PLEKHA7: variants seen among roughly 807,000 people sequenced by gnomAD.
PLEKHA7 encodes pleckstrin homology domain containing A7, also known as pleckstrin homology domain-containing family A member 7.
PLEKHA7 carries 104 observed loss-of-function variants against 170.0 expected under a neutral mutation model. The ratio of observed to expected loss-of-function variants is 0.61; its 90% CI spans 0.52 to 0.72. The LOEUF (loss-of-function observed/expected upper bound fraction) is 0.72. Among genes scored for constraint, PLEKHA7 ranks in the 30% least tolerant of loss-of-function variants. The probability of loss-of-function intolerance (pLI) is 0.00; values close to 1 mark genes in which losing one functional copy is unlikely to be tolerated. For missense variants in PLEKHA7, 1,615 were observed against 1,671.7 expected (o/e 0.97, Z 0.59); for synonymous variants, 648 against 660.8 (o/e 0.98, Z 0.30).
intron 21 of PLEKHA7, 128 bp from the exon 22 acceptor site, chr11:16,790,006 T>G: frequency 2.4e-6 from 2 of 824,314 alleles, no homozygotes; most frequent in Non-Finnish European, 4.0e-6. Context: ...ATTTCTCTTC[T>G]TCCTCCCCAG....
At chr11:16,942,870 A>C (rs1860785081) in intron 3 of PLEKHA7, among the ~76,000 whole-genome samples, 2 of 152,258 alleles carry the variant, frequency 1.3e-5, no homozygotes, top group Non-Finnish European at 2.9e-5. Flanking sequence ...ATAGTAGATA[A>C]ACTGCTGAAT....
chr11:16,806,293 T>C (rs551709309), intron 13 of PLEKHA7, among the ~76,000 whole-genome samples: 1 of 152,384 alleles, frequency 6.6e-6, no homozygotes, highest in Non-Finnish European at 1.5e-5. Flanking sequence ...CAGCCGAGGC[T>C]GCTAAGAAAT....
chr11:16,913,415 G>A (rs1858401592), intron 3 of PLEKHA7, among the ~76,000 whole-genome samples: 1 of 152,126 alleles, frequency 6.6e-6, no homozygotes, highest in Non-Finnish European at 1.5e-5. Flanking sequence ...GCAGCAACTC[G>A]ATGCAAGGAC....
intron 3 of PLEKHA7, among the ~76,000 whole-genome samples, chr11:16,874,532 A>C (rs2135716081): frequency 6.6e-6 from 1 of 152,302 alleles, no homozygotes; most frequent in African/African-American, 2.4e-5. Flanking sequence ...AAAAGTGATA[A>C]GACTGGAACA....
At chr11:16,935,462 G>T (rs1300143228) in intron 3 of PLEKHA7, among the ~76,000 whole-genome samples, 4 of 152,248 alleles carry the variant, frequency 2.6e-5, no homozygotes, top group Non-Finnish European at 5.9e-5. Context: ...CTAGTGTGGG[G>T]AGGGGTAAAG....
At chr11:16,922,721 T>A (rs1181957264) in intron 3 of PLEKHA7, among the ~76,000 whole-genome samples, 1 of 152,072 alleles carries the variant, frequency 6.6e-6, no homozygotes. Flanking sequence ...CTGCCACCCA[T>A]CCCAGGTAAA....
At chr11:16,933,661 G>GGACATGTTAGTTT (rs1565130955) in intron 3 of PLEKHA7, among the ~76,000 whole-genome samples, 1 of 152,192 alleles carries the variant, frequency 6.6e-6, no homozygotes, top group Non-Finnish European at 1.5e-5. Flanking sequence ...ACTCTATTTT[G>GGACATGTTAGTTT]GACATGTTAG....
At chr11:16,986,639 C>G (rs1863742154) in intron 3 of PLEKHA7, among the ~76,000 whole-genome samples, 1 of 152,178 alleles carries the variant, frequency 6.6e-6, no homozygotes, top group African/African-American at 2.4e-5. Context: ...AGAAGACGCC[C>G]TGGCCCAGGA....
At chr11:16,781,706 T>C (rs1290796060) in intron 26 of PLEKHA7, among the ~76,000 whole-genome samples, 1 of 152,170 alleles carries the variant, frequency 6.6e-6, no homozygotes, top group Non-Finnish European at 1.5e-5. Flanking sequence ...CCCCTCCCCT[T>C]GTTGCCAGTC....
chr11:16,795,849 TCC>T (rs1491288809), intron 17 of PLEKHA7, among the ~76,000 whole-genome samples: 1 of 129,444 alleles, frequency 7.7e-6, no homozygotes, highest in Non-Finnish European at 1.7e-5. Flanking sequence ...CACAGTTTTT[TCC>T]TTTTTTTTTT....
At chr11:17,007,557 T>C (rs1865079426) in intron 3 of PLEKHA7, among the ~76,000 whole-genome samples, 1 of 148,334 alleles carries the variant, frequency 6.7e-6, no homozygotes, top group African/African-American at 2.5e-5. Context: ...TTTTACATTT[T>C]AGGATCTCTA....
intron 3 of PLEKHA7, among the ~76,000 whole-genome samples, chr11:17,009,955 C>T (rs1183896750): frequency 6.6e-6 from 1 of 152,144 alleles, no homozygotes; most frequent in Non-Finnish European, 1.5e-5. Flanking sequence ...GGGTTATCAA[C>T]ATCACTTAGT....
intron 4 of PLEKHA7, among the ~76,000 whole-genome samples, chr11:16,864,185 C>T (rs144230926): frequency 1.1e-3 from 171 of 152,188 alleles, no homozygotes; most frequent in African/African-American, 3.9e-3. Context: ...CTGACTCCAC[C>T]ACTTACTCTC....
chr11:16,805,255 T>G (rs899768480), intron 13 of PLEKHA7, among the ~76,000 whole-genome samples: 3 of 152,242 alleles, frequency 2.0e-5, no homozygotes, highest in Non-Finnish European at 2.9e-5. Flanking sequence ...AAAATCTAAT[T>G]GAGCAATGCC....
intron 3 of PLEKHA7, among the ~76,000 whole-genome samples, chr11:16,892,406 T>TTGTGTGTGTGTGTGTGTGTGTGTG (rs58762762): frequency 2.0e-4 from 27 of 136,802 alleles, no homozygotes; most frequent in South Asian, 4.7e-4. Context: ...TTGTTTTATT[T>TTGTGTGTGTGTGTGTGTGTGTGTG]TGTGTGTGTG....
intron 3 of PLEKHA7, among the ~76,000 whole-genome samples, chr11:17,008,299 C>T (rs1211455974): frequency 1.3e-5 from 2 of 152,188 alleles, no homozygotes; most frequent in East Asian, 3.9e-4. Context: ...GCCCAGCAGC[C>T]AGGGAAGGAA....
At chr11:16,790,047 A>T in intron 21 of PLEKHA7, 169 bp from the exon 22 acceptor site, 1 of 652,826 alleles carries the variant, frequency 1.5e-6, no homozygotes, top group Admixed American at 2.5e-5. Context: ...CCAATAGAGG[A>T]TGGGGGCCAG....
chr11:16,988,019 C>T (rs1003041268), intron 3 of PLEKHA7, among the ~76,000 whole-genome samples: 2 of 152,222 alleles, frequency 1.3e-5, no homozygotes, highest in Admixed American at 6.5e-5. Flanking sequence ...AAGTTGACTG[C>T]ACCTGTTAAT....
In PLEKHA7 at chr11:16,822,502, G is replaced by GAAA. The variant is rs775136335; in HGVS notation, c.1343+3615_1343+3617dup. 3.2e-4 allele frequency among the ~76,000 whole-genome samples: 25 copies of GAAA among 78,906 alleles called. No homozygotes were observed. In the East Asian group the frequency reaches 6.0e-3, roughly 19 times the overall value. The allele number at this position is 78,906 out of a possible 152,430, so 51.8% of individuals were successfully genotyped here. A position where few individuals can be genotyped will look rare whatever the true frequency, so the allele number is the denominator to read the frequency against. On this transcript the variant is annotated intron_variant, in intron 10 of 26. Coordinates refer to ENST00000531066, the MANE Select transcript of PLEKHA7 (RefSeq NM_001329630.2). ...TCTCAAGTGTCTGCTTTTGGTAGGG[G>GAAA]AAAAAAAAAAAAAAAAAAAAAAAAG...
Sources: allele counts gnomAD v4.1 joint callset (sites outside exome capture counted in the v4.1 genomes callset), GRCh38; gene constraint gnomAD v4.1.1; transcripts MANE v1.5; gene names NCBI Gene and HGNC (gene_info 2026-07-23, HGNC 2026-07-21).